The following MYO1H variants were observed in gnomAD, a reference collection of about 807,000 sequenced individuals.
MYO1H encodes unconventional myosin-Ih.
MYO1H carries 118 observed loss-of-function variants against 149.3 expected under a neutral mutation model. The observed-to-expected ratio is 0.79, with a 90% confidence interval of 0.68 to 0.92. The LOEUF is 0.92. MYO1H is among the 40% of genes least tolerant of loss of function. The probability of loss-of-function intolerance (pLI) is 0.00; values close to 1 mark genes in which losing one functional copy is unlikely to be tolerated. For synonymous variants in MYO1H, 447 were observed against 465.2 expected, an observed-to-expected ratio of 0.96 and a Z score of 0.50; for missense variants, 1,212 against 1,280.7, an observed-to-expected ratio of 0.95 and a Z score of 0.82.
chr12:109,427,910 A>T (rs1871439274), intron 19 of MYO1H, among the ~76,000 whole-genome samples: 1 of 34,438 alleles, frequency 2.9e-5, no homozygotes, highest in African/African-American at 1.6e-4. Flanking sequence ...AAAAAAAAAA[A>T]TATATATATA....
chr12:109,446,627 G>A, intron 31 of MYO1H: 1 of 190,992 alleles, frequency 5.2e-6, no homozygotes, highest in Non-Finnish European at 9.7e-6. Flanking sequence ...GTTGAGCATG[G>A]TGGCACATGC....
At chr12:109,428,726 T>C (rs1242389081) in intron 19 of MYO1H, among the ~76,000 whole-genome samples, 2 of 152,214 alleles carry the variant, frequency 1.3e-5, no homozygotes, top group Non-Finnish European at 2.9e-5. Context: ...GCCCATCCGC[T>C]ACTTATTCAT....
chr12:109,389,433 C>T lies in MYO1H; in HGVS notation c.174+589C>T, dbSNP rs980701651. Among the ~76,000 whole-genome samples the T allele has an allele frequency of 9.7e-4, 148 of 152,204 alleles. 2 individuals carry two copies. Among genetic ancestry groups the T allele is most frequent in the African/African-American group, 4.1e-4 (17 of 41,518 alleles). On this transcript the variant is annotated intron_variant, in intron 2 of 31. Transcript: ENST00000310903. ...GAAGGTGAGGGGTGGAGTTGGAGCC[C>T]TGGACGGTATAGGCAGAGAGCTGGG... is the stretch of plus-strand genomic sequence containing the variant.
At position 109,362,335 on chromosome 12, in the gene MYO1H, ATC is replaced by A. The variant is rs1261149658; in HGVS notation, c.12+14365_12+14366del. 2.6e-5 allele frequency among the ~76,000 whole-genome samples: 4 copies of A among 152,310 alleles called. No individual in the cohort carries two copies. The South Asian group carries it at 6.2e-4, about 24-fold the overall frequency. On this transcript the variant is annotated intron_variant, in intron 1 of 31. Transcript: ENST00000310903. ...GAAGTCTGATTTGAGCCAAAAGAGA[ATC>A]TGTTTTTCTTCTGCATTTAAATATT... is the stretch of plus-strand genomic sequence containing the variant.
chr12:109,314,970 C>G, the MYO1H span, among the ~76,000 whole-genome samples: 1 of 152,060 alleles, frequency 6.6e-6, no homozygotes, highest in Admixed American at 6.6e-5. Flanking sequence ...GCTGTGGTGA[C>G]GTGTGTCTGT....
intron 1 of MYO1H, among the ~76,000 whole-genome samples, chr12:109,362,301 T>A (rs765329564): frequency 1.3e-5 from 2 of 152,218 alleles, no homozygotes; most frequent in Non-Finnish European, 2.9e-5. Flanking sequence ...AGCCTTCTAG[T>A]TTTGATGTGA....
chr12:109,440,753 C>T (rs1872081952), exon 25 of MYO1H: 4 of 1,561,560 alleles, frequency 2.6e-6, no homozygotes, highest in Non-Finnish European at 3.5e-6. Context: ...GGCATCAGAT[C>T]TGCTCAGGAA....
chr12:109,440,895 C>A (rs771012179), intron 25 of MYO1H, 68 bp downstream of exon 25: 339 of 1,117,478 alleles, frequency 3.0e-4, no homozygotes, highest in Non-Finnish European at 4.2e-4. Context: ...GAGTGTCAGT[C>A]CTCCTCATCC....
intron 14 of MYO1H, among the ~76,000 whole-genome samples, chr12:109,414,730 C>T (rs776054306): frequency 3.3e-5 from 5 of 151,956 alleles, no homozygotes; most frequent in Non-Finnish European, 7.4e-5. Context: ...TTTTTTGAGA[C>T]AAGGTCTCAC....
chr12:109,345,830 G>C (rs1416325053), upstream of MYO1H, among the ~76,000 whole-genome samples: 2 of 152,184 alleles, frequency 1.3e-5, no homozygotes, highest in South Asian at 2.1e-4. Context: ...ACAATGCTAA[G>C]TGAAAGAAGC....
chr12:109,314,936 C>CA, the MYO1H span, among the ~76,000 whole-genome samples: 67 of 151,682 alleles, frequency 4.4e-4, no homozygotes, highest in Admixed American at 6.6e-4. Context: ...CCCATCTCTA[C>CA]AAAAAAAATA....
At chr12:109,325,564 A>G in the MYO1H span, among the ~76,000 whole-genome samples, 2 of 152,250 alleles carry the variant, frequency 1.3e-5, no homozygotes. Flanking sequence ...CAATTTCAAC[A>G]AAAGGCAAAA....
At position 109,386,684 on chromosome 12, in the gene MYO1H, G is replaced by T. The variant is rs981368914; in HGVS notation, c.13-1999G>T. Among the ~76,000 whole-genome samples the T allele has an allele frequency of 9.9e-5, 15 of 152,060 alleles. 1 individual carries two copies. Among genetic ancestry groups the T allele is most frequent in the Admixed American group, 5.9e-4 (9 of 15,256 alleles). Reference sequence around the variant, plus strand: ...TCAAGTCTTTTGCCAAATTTTCATTGGGTTTGTCTTTTTATTATTGGACTG... The same window carrying T: ...TCAAGTCTTTTGCCAAATTTTCATTTGGTTTGTCTTTTTATTATTGGACTG... On this transcript the variant is annotated intron_variant, in intron 1 of 31. Transcript: ENST00000310903.
intron 1 of MYO1H, among the ~76,000 whole-genome samples, chr12:109,376,043 T>C (rs559212528): frequency 6.6e-6 from 1 of 152,354 alleles, no homozygotes; most frequent in East Asian, 1.9e-4. Flanking sequence ...ATATCTTCTA[T>C]ATTCTCTTCT....
At chr12:109,329,816 C>T in the MYO1H span, among the ~76,000 whole-genome samples, 1 of 152,190 alleles carries the variant, frequency 6.6e-6, no homozygotes, top group Non-Finnish European at 1.5e-5. Context: ...GAGGCCTTGA[C>T]AATAGAACCT....
Position 109,386,366 on chromosome 12 carries a change from ATACT to A in MYO1H, c.13-2314_13-2311del, listed in dbSNP as rs140641171. Reference sequence around the variant, plus strand: ...ATATGTTTACATTTCTCTTGTGTAAATACTTAGGAGTGGAATCGCTGGATCAAAG... The same window carrying A: ...ATATGTTTACATTTCTCTTGTGTAAATAGGAGTGGAATCGCTGGATCAAAG... On this transcript the variant is annotated intron_variant, in intron 1 of 31. Transcript: ENST00000310903. Among the ~76,000 whole-genome samples the A allele has an allele frequency of 5.8e-3, 876 of 152,290 alleles. 7 individuals are homozygous for A. The highest frequency in any genetic ancestry group is 0.019 in the African/African-American group (809 of 41,568).
chr12:109,427,799 T>C (rs971531287), intron 19 of MYO1H, among the ~76,000 whole-genome samples: 9 of 140,406 alleles, frequency 6.4e-5, no homozygotes, highest in African/African-American at 2.4e-4. Flanking sequence ...AATCCCAGCA[T>C]TTTGGGAGGC....
chr12:109,396,823 T>TG (rs1869934146), intron 4 of MYO1H, among the ~76,000 whole-genome samples: 1 of 123,794 alleles, frequency 8.1e-6, no homozygotes, highest in Non-Finnish European at 1.7e-5. Context: ...CGTTTTTTTT[T>TG]TTTTTTTTTT....
chr12:109,421,422 T>G (rs1263105899), intron 16 of MYO1H, among the ~76,000 whole-genome samples: 3 of 152,230 alleles, frequency 2.0e-5, no homozygotes, highest in Admixed American at 2.0e-4. Context: ...GGGACATTTT[T>G]AATTTAGGTG....
Sources: allele counts gnomAD v4.1 joint callset (sites outside exome capture counted in the v4.1 genomes callset), GRCh38; gene constraint gnomAD v4.1.1; transcripts MANE v1.5; gene names NCBI Gene and HGNC (gene_info 2026-07-23, HGNC 2026-07-21).